Variants in PEAR1 observed in about 807,000 individuals in gnomAD.
The protein encoded by PEAR1 is platelet endothelial aggregation receptor 1.
In PEAR1, 113 loss-of-function variants were observed where a neutral mutation model predicts 131.2. That is an observed-to-expected ratio of 0.86 (90% confidence interval 0.74 to 1.01). The LOEUF (loss-of-function observed/expected upper bound fraction) is 1.01, where lower values mean the gene tolerates loss of function less well. PEAR1 is among the 50% of genes least tolerant of loss of function. PEAR1 has a pLI of 0.00. For missense variants in PEAR1, 1,408 were observed against 1,391.1 expected (o/e 1.01, Z -0.19); for synonymous variants, 565 against 523.3 (o/e 1.08, Z -1.09).
chr1:156,904,956 A>G, intron 3 of PEAR1, 104 bp downstream of exon 3: 2 of 1,571,706 alleles, frequency 1.3e-6, no homozygotes, highest in South Asian at 2.3e-5. Flanking sequence ...ACTCAGAGGA[A>G]ACTCCTGGCT....
chr1:156,896,012 G>A (rs1482929302), intron 1 of PEAR1, among the ~76,000 whole-genome samples: 2 of 152,132 alleles, frequency 1.3e-5, no homozygotes, highest in South Asian at 2.1e-4. Flanking sequence ...AGCCCAGGAG[G>A]TTGAGGCTGC....
chr1:156,906,224 G>A lies in PEAR1; in HGVS notation c.308-52G>A, dbSNP rs1392216394. ...TGGGGTTAGGCTTTGCAGGATAAAA[G>A]CTGGGTAGGGGCAGGGGTGGACACA... On this transcript the variant is annotated intron_variant, in intron 4 of 22. Coordinates refer to ENST00000292357, the MANE Select transcript of PEAR1 (RefSeq NM_001080471.3). The A allele has an allele frequency of 4.5e-6, 7 of 1,555,282 alleles. No homozygotes were observed. In the Admixed American group the frequency reaches 1.2e-4, roughly 26 times the overall value.
intron 11 of PEAR1, 35 bp from the exon 12 acceptor site, chr1:156,909,716 G>A (rs753865413): frequency 6.4e-7 from 1 of 1,560,048 alleles, no homozygotes. Context: ...AAGGGAAATG[G>A]GTCCCCATAC....
At position 156,910,636 on chromosome 1, in the gene PEAR1, A is replaced by C. The variant is rs1172421491; in HGVS notation, c.1844A>C (p.Tyr615Ser). ...SCQRSCQPGR[Y>S]GKRCVPCKCA... ...CCCCCAGCCTGTCAGCCTGGCCGCT[A>C]TGGCAAACGCTGTGTGCCCTGCAAG... The change falls in exon 15 of 23, where the codon TAT becomes TCT. Residue 615 changes from tyrosine to serine, a missense_variant. By Grantham distance (144) the Tyr-to-Ser change is moderately radical. Transcript: ENST00000292357. The C allele has an allele frequency of 6.2e-7, 1 of 1,614,060 alleles. No homozygotes were observed.
At chr1:156,906,554 G>A (rs1650325955) in intron 5 of PEAR1, 83 bp from the exon 6 acceptor site, 1 of 1,580,364 alleles carries the variant, frequency 6.3e-7, no homozygotes, top group Non-Finnish European at 8.6e-7. Context: ...GGGGCTGGGA[G>A]ACAGAGGCTG....
chr1:156,906,576 C>T (rs1650328452), intron 5 of PEAR1, 61 bp from the exon 6 acceptor site: 16 of 1,597,174 alleles, frequency 1.0e-5, no homozygotes, highest in Admixed American at 8.5e-5. Context: ...GAGACAGAGA[C>T]GGGGAGGCTG....
chr1:156,894,696 C>G (rs1053785678), intron 1 of PEAR1, among the ~76,000 whole-genome samples: 1 of 152,234 alleles, frequency 6.6e-6, no homozygotes, highest in Non-Finnish European at 1.5e-5. Context: ...TCTCCAGCCT[C>G]CAGTAGCTGC....
intron 2 of PEAR1, 48 bp downstream of exon 2, chr1:156,904,075 GATTGTCCCT>G (rs1248005605): frequency 1.3e-6 from 2 of 1,493,236 alleles, no homozygotes; most frequent in Non-Finnish European, 1.9e-6. Context: ...CCTAGCTCCC[GATTGTCCCT>G]ATTGTCCCTA....
At chr1:156,910,776 G>T (rs1387062581) in intron 15 of PEAR1, 33 bp downstream of exon 15, 3 of 1,611,860 alleles carry the variant, frequency 1.9e-6, no homozygotes, top group Non-Finnish European at 1.7e-6. Flanking sequence ...GAGCATACGT[G>T]CATGCTGAGA....
At position 156,914,571 on chromosome 1, in the gene PEAR1, A is replaced by G. The variant is rs561358498; in HGVS notation, c.2963-76A>G. The G allele has an allele frequency of 4.9e-6, 7 of 1,414,620 alleles. No homozygotes were observed. The African/African-American group carries it at 7.2e-5, about 14-fold the overall frequency. 87.6% of individuals were successfully genotyped at this position (1,414,620 alleles called of 1,614,324 possible). On this transcript the variant is annotated intron_variant, in intron 22 of 22. Transcript: ENST00000292357. ...CCTTGAAGAGGCTGAAGAGGAGAGGAGTGCAGTGGGAGTGGAGGGAGTGGG... is the reference window on the plus strand; with the variant it reads ...CCTTGAAGAGGCTGAAGAGGAGAGGGGTGCAGTGGGAGTGGAGGGAGTGGG...
In PEAR1 at chr1:156,913,268, C is replaced by A; in HGVS notation, c.2497C>A (p.Pro833Thr). Reference protein sequence around the residue: ...HTLSQCSPNPPPPNKVPGPLF... With the variant: ...HTLSQCSPNPTPPNKVPGPLF... The stretch of plus-strand genomic sequence containing the variant: ...CCTGTCGCAGTGCTCCCCAAACCCC[C>A]CACCCCCTAACAAGGTCAGTGCCGG... The change falls in exon 19 of 23, where the codon CCA (proline) becomes ACA (threonine). Residue 833 changes from proline to threonine, a missense_variant. Physicochemically the swap from Pro to Thr is conservative, Grantham distance 38. Coordinates refer to ENST00000292357, the MANE Select transcript of PEAR1 (RefSeq NM_001080471.3). 1 of 1,607,470 alleles carries A rather than the reference C, an allele frequency of 6.2e-7. No individual in the cohort carries two copies. The highest frequency in any genetic ancestry group is 1.1e-5 in the South Asian group (1 of 89,684).
At chr1:156,906,539 C>T (rs1650323501) in intron 5 of PEAR1, 98 bp from the exon 6 acceptor site, 1 of 1,565,418 alleles carries the variant, frequency 6.4e-7, no homozygotes, top group African/African-American at 1.3e-5. Context: ...CAGGGTGGGC[C>T]TGTGGGGGCT....
intron 2 of PEAR1, among the ~76,000 whole-genome samples, 180 bp from the exon 3 acceptor site, chr1:156,904,568 G>C (rs1299538496): frequency 6.6e-6 from 1 of 152,152 alleles, no homozygotes; most frequent in Non-Finnish European, 1.5e-5. Flanking sequence ...TCCAGTTCTG[G>C]GAGAAGCCTC....
chr1:156,912,226 C>G (rs1416815350), intron 15 of PEAR1, 21 bp from the exon 16 acceptor site: 1 of 1,596,660 alleles, frequency 6.3e-7, no homozygotes, highest in Non-Finnish European at 8.5e-7. Flanking sequence ...CCCCACCAGA[C>G]AGGCCCCATG....
At position 156,905,247 on chromosome 1, in the gene PEAR1, C is replaced by T. The variant is rs1650139464; in HGVS notation, c.207-77C>T. 2.7e-6 allele frequency: 4 copies of T among 1,469,772 alleles called. No homozygotes were observed. The African/African-American group carries it at 4.2e-5, about 15-fold the overall frequency. 91.0% of individuals were successfully genotyped at this position (1,469,772 alleles called of 1,614,324 possible). On this transcript the variant is annotated intron_variant, in intron 3 of 22. Transcript: ENST00000292357. ...CCAGAGTGTTGAGTGGTGCCCCTTC[C>T]CTGGCCTCCCCCTGGCCACACTGTG... is the stretch of plus-strand genomic sequence containing the variant.
Position 156,903,975 on chromosome 1 carries a change from C to G in PEAR1, c.49C>G (p.Leu17Val). The G allele has an allele frequency of 1.2e-6, 2 of 1,614,092 alleles. No individual in the cohort carries two copies. The highest frequency in any genetic ancestry group is 8.5e-7 in the Non-Finnish European group (1 of 1,179,990). Residue 17 changes from leucine (L) to valine (V), a missense_variant, in exon 2 of 23, where the codon CTG becomes GTG. Transcript: ENST00000292357. ...PLLLLAVGLR[L>V]AGTLNPSDPN... ...CCTTCTCCTGGCTGTGGGCCTGCGG[C>G]TGGCTGGAACTCTCAACCCCAGTGA...
In PEAR1 at chr1:156,914,497, G is replaced by A. The variant is rs901145489; in HGVS notation, c.2963-150G>A. Reference sequence around the variant, plus strand: ...AGTTTTGCTTGGAGCCGCACGGCCAGCTGATAGTAAACTGGTGTATGTATC... The same window carrying A: ...AGTTTTGCTTGGAGCCGCACGGCCAACTGATAGTAAACTGGTGTATGTATC... On this transcript the variant is annotated intron_variant, in intron 22 of 22. Transcript: ENST00000292357. The A allele has an allele frequency of 1.9e-4, 150 of 777,644 alleles. 1 individual carries two copies. The highest frequency in any genetic ancestry group is 2.2e-4 in the Non-Finnish European group (111 of 508,634). 48.2% of individuals were successfully genotyped at this position (777,644 alleles called of 1,614,324 possible).
chr1:156,908,407 C>T lies in PEAR1; in HGVS notation c.1115+67C>T. The T allele has an allele frequency of 7.0e-7, 1 of 1,436,750 alleles. No individual in the cohort carries two copies. The highest frequency in any genetic ancestry group is 2.5e-5 in the East Asian group (1 of 39,918). 89.0% of individuals were successfully genotyped at this position (1,436,750 alleles called of 1,614,324 possible). ...GGGGAGGTCTTCCTGGCCGAAGTCA[C>T]CACAGAGCCAGGGCCATATCCAAGG... On this transcript the variant is annotated intron_variant, in intron 9 of 22. Transcript: ENST00000292357. This position sits in a 1 kb window ranked among gnomAD's most constrained non-coding sequence, Gnocchi z 4.2.
At chr1:156,897,322 TCA>T (rs1420938523) in intron 1 of PEAR1, among the ~76,000 whole-genome samples, 1 of 152,172 alleles carries the variant, frequency 6.6e-6, no homozygotes, top group Non-Finnish European at 1.5e-5. Context: ...CCAGACCCGC[TCA>T]CAGAGCCTTG....
Sources: allele counts gnomAD v4.1 joint callset (sites outside exome capture counted in the v4.1 genomes callset), GRCh38; gene constraint gnomAD v4.1.1; non-coding constraint Gnocchi (gnomAD v3.1); transcripts MANE v1.5; gene names NCBI Gene and HGNC (gene_info 2026-07-23, HGNC 2026-07-21).